OTOG: variants seen among roughly 807,000 people sequenced by gnomAD.
OTOG encodes the protein otogelin.
Under a neutral mutation model 313.8 loss-of-function variants are expected in OTOG, and 296 were observed. The observed-to-expected ratio is 0.94, with a 90% CI of 0.86 to 1.04. The LOEUF is 1.04. OTOG is among the 50% of genes least tolerant of loss of function. The pLI, the probability that OTOG is intolerant of heterozygous loss-of-function variation, is 0.00. For synonymous variants in OTOG, 1,533 were observed against 1,554.9 expected, an observed-to-expected ratio of 0.99 and a Z score of 0.33; for missense variants, 3,948 against 3,840.1, an observed-to-expected ratio of 1.03 and a Z score of -0.74.
intron 3 of OTOG, among the ~76,000 whole-genome samples, chr11:17,550,110 A>G (rs1447767944): frequency 6.6e-6 from 1 of 152,204 alleles, no homozygotes; most frequent in Non-Finnish European, 1.5e-5. Flanking sequence ...TTCAATTATT[A>G]TTATAGTCTA....
chr11:17,635,736 G>C, intron 47 of OTOG, 25 bp downstream of exon 47: 1 of 1,536,180 alleles, frequency 6.5e-7, no homozygotes, highest in African/African-American at 1.4e-5. Flanking sequence ...GGCACATGGC[G>C]GGCTGCGGCA....
Position 17,603,536 on chromosome 11 carries a change from G to T in OTOG, c.3877+1159G>T, listed in dbSNP as rs77670273. On this transcript the variant is annotated intron_variant, in intron 32 of 55. Transcript: ENST00000399397. ...GTCACTGGGGGCAGGATGCCAGAGG[G>T]GCTCCAGTCCAGGCTCCGTCTCAGA... 5.7e-3 allele frequency among the ~76,000 whole-genome samples: 866 copies of T among 152,202 alleles called. 37 individuals carry two copies. The East Asian group carries it at 0.11, about 19-fold the overall frequency.
chr11:17,606,214 C>T (rs1398196356), intron 33 of OTOG, 79 bp downstream of exon 33: 2 of 1,428,564 alleles, frequency 1.4e-6, no homozygotes, highest in East Asian at 2.5e-5. Context: ...CCCACTTCAC[C>T]CTTCCAATTA....
intron 19 of OTOG, 23 bp from the exon 20 acceptor site, chr11:17,574,697 G>A (rs936587127): frequency 1.4e-5 from 21 of 1,543,158 alleles, no homozygotes; most frequent in South Asian, 2.4e-5. Context: ...GACAAAGCAT[G>A]CACCACTCCC....
At chr11:17,596,716 TCA>T in intron 29 of OTOG, 133 bp from the exon 30 acceptor site, 1 of 745,586 alleles carries the variant, frequency 1.3e-6, no homozygotes, top group Non-Finnish European at 2.2e-6. Context: ...CCTTCTCCCT[TCA>T]CACCTCATGA....
intron 35 of OTOG, 74 bp from the exon 36 acceptor site, chr11:17,609,581 C>A: frequency 2.2e-6 from 3 of 1,334,564 alleles, no homozygotes; most frequent in Middle Eastern, 2.0e-4. Flanking sequence ...AGCCTCACAC[C>A]ACAGCCCTGC....
chr11:17,576,808 G>A (rs1852538912), intron 21 of OTOG, 60 bp from the exon 22 acceptor site: 2 of 1,537,086 alleles, frequency 1.3e-6, no homozygotes, highest in Admixed American at 2.0e-5. Flanking sequence ...CAGCAACATG[G>A]GGTGTCTGGG....
chr11:17,610,717 C>T lies in OTOG; in HGVS notation c.5417C>T (p.Thr1806Ile). Reference sequence around the variant, plus strand: ...CTCCTCTCTGGCCTGCCTCCCGACACCAGCCTGCCCCTGGCCAAGGTGGGC... The same window carrying T: ...CTCCTCTCTGGCCTGCCTCCCGACATCAGCCTGCCCCTGGCCAAGGTGGGC... ...SQLLSGLPPD[T>I]SLPLAKVGTS... is the part of the protein sequence containing the mutation. The change falls in exon 36 of 56, where the codon ACC becomes ATC. Residue 1806 changes from threonine to isoleucine, a missense_variant. By Grantham distance (89) the Thr-to-Ile change is moderately conservative. Transcript: ENST00000399397. 6.5e-7 allele frequency: 1 copy of T among 1,550,136 alleles called. No homozygotes were observed. Among genetic ancestry groups the T allele is most frequent in the East Asian group, 2.4e-5 (1 of 40,928 alleles).
intron 40 of OTOG, among the ~76,000 whole-genome samples, chr11:17,630,782 G>A (rs1442451429): frequency 6.6e-6 from 1 of 152,208 alleles, no homozygotes; most frequent in Non-Finnish European, 1.5e-5. Context: ...AGAGGAAGCA[G>A]CTTGAGCAAA....
intron 18 of OTOG, 83 bp downstream of exon 18, chr11:17,572,287 G>A (rs1448125405): frequency 6.6e-7 from 1 of 1,509,590 alleles, no homozygotes. Context: ...GGAACTCCGG[G>A]CAGGAGAGTG....
intron 30 of OTOG, among the ~76,000 whole-genome samples, chr11:17,598,923 G>T (rs1052480902): frequency 6.6e-6 from 1 of 152,218 alleles, no homozygotes; most frequent in African/African-American, 2.4e-5. Flanking sequence ...GTGGTCTGGG[G>T]TGTGCAGTGA....
At chr11:17,599,428 G>A (rs896211380) in intron 30 of OTOG, among the ~76,000 whole-genome samples, 8 of 152,134 alleles carry the variant, frequency 5.3e-5, no homozygotes, top group Admixed American at 1.3e-4. Context: ...TTGACACATC[G>A]CTGAGGTGCC....
Position 17,555,818 on chromosome 11 carries a change from T to A in OTOG, c.580T>A (p.Cys194Ser). The change falls in exon 7 of 56, where the codon TGC (cysteine) becomes AGC (serine). Residue 194 changes from cysteine to serine, a missense_variant. Physicochemically the swap from Cys to Ser is moderately radical, Grantham distance 112 (BLOSUM62 -1). Transcript: ENST00000399397. ...DPQCGSSPYT[C>S]SRAVSLFFVG... ...GCAGTGTGGCTCTTCACCCTACACC[T>A]GCTCCAGGGCTGTCAGCCTCTTCTT... 1 of 1,550,774 alleles carries A rather than the reference T, an allele frequency of 6.4e-7. No individual in the cohort carries two copies. Among genetic ancestry groups the A allele is most frequent in the Non-Finnish European group, 8.7e-7 (1 of 1,147,040 alleles).
chr11:17,597,020 G>C lies in OTOG; in HGVS notation c.3682+13G>C, dbSNP rs572431509. 1.9e-6 allele frequency: 3 copies of C among 1,549,418 alleles called. No homozygotes were observed. In the South Asian group the frequency reaches 3.6e-5, roughly 18 times the overall value. ...CCCCGCCTCTGCCGTGAGTGTCCCA[G>C]ACAATCACCTGAGGGGACAGAGTAG... On this transcript the variant is annotated intron_variant, in intron 30 of 55. Transcript: ENST00000399397.
At chr11:17,551,195 A>G (rs1053724147) in intron 3 of OTOG, among the ~76,000 whole-genome samples, 19 of 152,272 alleles carry the variant, frequency 1.2e-4, no homozygotes, top group African/African-American at 4.1e-4. Context: ...CCTCTAAGGG[A>G]GGAGGAGCCA....
chr11:17,642,340 AGAAGGGCTCCCTG>A, intron 53 of OTOG, 94 bp downstream of exon 53: 6 of 1,419,536 alleles, frequency 4.2e-6, no homozygotes, highest in Non-Finnish European at 5.6e-6. Flanking sequence ...GAGTGCAGGA[AGAAGGGCTCCCTG>A]GAGCCTGTGC....
In OTOG at chr11:17,602,281, G is replaced by A. The variant is rs1209274260; in HGVS notation, c.3781G>A (p.Gly1261Ser). ...GGALVGMKAV[G>S]DDIVLVRTED... ...TGCTCTGGTGGGCATGAAGGCGGTG[G>A]GCGATGACATAGTCCTAGTGAGGAC... The change falls in exon 32 of 56, where the codon GGC becomes AGC. Residue 1261 changes from glycine (G) to serine (S), a missense_variant. Transcript: ENST00000399397. The A allele has an allele frequency of 6.4e-7, 1 of 1,550,644 alleles. No homozygotes were observed. The highest frequency in any genetic ancestry group is 2.4e-5 in the East Asian group (1 of 40,920).
chr11:17,610,765 C>T lies in OTOG; in HGVS notation c.5465C>T (p.Pro1822Leu). Residue 1822 changes from proline (P) to leucine (L), a missense_variant, in exon 36 of 56, where the codon CCC becomes CTC. By Grantham distance (98) the Pro-to-Leu change is moderately conservative. Transcript: ENST00000399397. ...KVGTSAPVAT[P>L]GPKASVITTP... is the part of the protein sequence containing the mutation. ...GGCACATCTGCCCCAGTGGCCACACCCGGCCCCAAAGCCTCTGTCATCACC... is the reference window on the plus strand; with the variant it reads ...GGCACATCTGCCCCAGTGGCCACACTCGGCCCCAAAGCCTCTGTCATCACC... 6.5e-7 allele frequency: 1 copy of T among 1,550,052 alleles called. No individual in the cohort carries two copies. The highest frequency in any genetic ancestry group is 8.7e-7 in the Non-Finnish European group (1 of 1,146,994).
Position 17,610,644 on chromosome 11 carries a change from C to T in OTOG, c.5344C>T (p.Leu1782=). Residue 1782 remains leucine (L), a synonymous_variant, in exon 36 of 56, where the codon CTG becomes TTG. Transcript: ENST00000399397. ...CAGCCTGTCAACAGCCACTGATGGG[C>T]TGGCAGCCACACCCTTCATGTCCCT... ...AASLSTATDG[L]AATPFMSLES... is the part of the protein sequence containing the mutation. 1 of 1,550,680 alleles carries T rather than the reference C, an allele frequency of 6.4e-7. No homozygotes were observed.
Sources: gnomAD v4.1 joint callset for allele counts (sites outside exome capture counted in the v4.1 genomes callset) on GRCh38, gnomAD v4.1.1 for gene constraint, MANE v1.5 for transcripts, NCBI Gene and HGNC (gene_info 2026-07-23, HGNC 2026-07-21) for gene names.